The following UTP4 variants were observed in gnomAD, a reference collection of about 807,000 sequenced individuals.
UTP4 encodes the protein UTP4 small subunit processome component.
Under a neutral mutation model 82.4 loss-of-function variants are expected in UTP4, and 45 were observed. That is an observed-to-expected ratio of 0.55 (90% confidence interval 0.43 to 0.70). UTP4 has a LOEUF of 0.70. Among genes scored for constraint, UTP4 ranks in the 30% least tolerant of loss-of-function variants. The probability of loss-of-function intolerance (pLI) is 0.00; values close to 1 mark genes in which losing one functional copy is unlikely to be tolerated. For synonymous variants in UTP4, 348 were observed against 300.3 expected, an observed-to-expected ratio of 1.16 and a Z score of -1.64; for missense variants, 819 against 858.3, an observed-to-expected ratio of 0.95 and a Z score of 0.57.
intron 3 of UTP4, among the ~76,000 whole-genome samples, chr16:69,137,556 C>T (rs1962841391): frequency 6.6e-6 from 1 of 152,170 alleles, no homozygotes; most frequent in Non-Finnish European, 1.5e-5. Context: ...AATGGGGCCA[C>T]TAATTAGAAC....
chr16:69,137,603 G>T (rs1417250920), intron 3 of UTP4, among the ~76,000 whole-genome samples, 198 bp from the exon 4 acceptor site: 1 of 152,112 alleles, frequency 6.6e-6, no homozygotes, highest in Non-Finnish European at 1.5e-5. Flanking sequence ...AGGATATGAA[G>T]GCTACTGAGA....
chr16:69,134,856 T>G (rs1370349800), intron 2 of UTP4, among the ~76,000 whole-genome samples: 4 of 151,396 alleles, frequency 2.6e-5, no homozygotes, highest in African/African-American at 4.9e-5. Flanking sequence ...CCTCGCTAAT[T>G]TTTTTATTTT....
chr16:69,153,823 A>G (rs1235578665), intron 9 of UTP4, 143 bp downstream of exon 9: 6 of 701,530 alleles, frequency 8.6e-6, no homozygotes, highest in Non-Finnish European at 1.5e-5. Context: ...CCCATTAGAT[A>G]AAGCAAATAA....
Position 69,157,099 on chromosome 16 carries a change from G to A in UTP4, c.1303G>A (p.Ala435Thr). ...ISLKRVSKMPAFLRSALQILF... is the reference protein window; with the variant it reads ...ISLKRVSKMPTFLRSALQILF... Reference sequence around the variant, plus strand: ...TCACCCAAAGGTTTCCAAAATGCCAGCATTCCTTCGCTCTGCCCTTCAGAT... The same window carrying A: ...TCACCCAAAGGTTTCCAAAATGCCAACATTCCTTCGCTCTGCCCTTCAGAT... Residue 435 changes from alanine to threonine, a missense_variant, in exon 12 of 17, where the codon GCA becomes ACA. Coordinates refer to ENST00000314423, the MANE Select transcript of UTP4 (RefSeq NM_032830.3). 1 of 1,614,202 alleles carries A rather than the reference G, an allele frequency of 6.2e-7. No homozygotes were observed. The highest frequency in any genetic ancestry group is 1.1e-5 in the South Asian group (1 of 91,082).
intron 5 of UTP4, chr16:69,142,243 A>G (rs1298408490): frequency 6.6e-6 from 1 of 152,118 alleles, no homozygotes; most frequent in Non-Finnish European, 1.5e-5. Context: ...GAATCTTCAG[A>G]TCTTTTCTTT....
chr16:69,168,127 G>A (rs1325571087), intron 16 of UTP4, among the ~76,000 whole-genome samples: 1 of 152,124 alleles, frequency 6.6e-6, no homozygotes, highest in African/African-American at 2.4e-5. Context: ...CCTTTTATGA[G>A]TGAACTTAGT....
At chr16:69,150,169 A>C (rs1019430119) in intron 6 of UTP4, among the ~76,000 whole-genome samples, 1 of 152,238 alleles carries the variant, frequency 6.6e-6, no homozygotes, top group African/African-American at 2.4e-5. Flanking sequence ...TATTCGTATT[A>C]AATAACATGA....
At chr16:69,156,153 TC>T (rs369677846) in intron 11 of UTP4, among the ~76,000 whole-genome samples, 160 bp downstream of exon 11, 10 of 129,636 alleles carry the variant, frequency 7.7e-5, no homozygotes, top group African/African-American at 1.9e-4. Flanking sequence ...TTTCTTTCTT[TC>T]TTTTTTTTTT....
intron 6 of UTP4, among the ~76,000 whole-genome samples, chr16:69,147,344 A>C (rs1190286153): frequency 1.3e-5 from 2 of 151,172 alleles, no homozygotes; most frequent in Non-Finnish European, 2.9e-5. Context: ...TCTCTACTAA[A>C]ATACAAAAAA....
rs11864946 is a variant in UTP4 at position 69,138,001 on chromosome 16, A to C, written c.436+116A>C. On this transcript the variant is annotated intron_variant, in intron 4 of 16. Coordinates refer to ENST00000314423, the MANE Select transcript of UTP4 (RefSeq NM_032830.3). Reference sequence around the variant, plus strand: ...AGGTAATATTTTATCTCTACTGGGTACAGGGAGGGTATGTGCTAGAAGCCA... The same window carrying C: ...AGGTAATATTTTATCTCTACTGGGTCCAGGGAGGGTATGTGCTAGAAGCCA... 449 of 743,182 alleles carry C rather than the reference A, an allele frequency of 6.0e-4. 3 individuals are homozygous for C. The African/African-American group carries it at 7.3e-3, about 12-fold the overall frequency. The allele number at this position is 743,182 out of a possible 1,614,324, so 46.0% of individuals were successfully genotyped here.
At chr16:69,145,149 C>CAATAAT (rs917951120) in intron 6 of UTP4, among the ~76,000 whole-genome samples, 2,520 of 151,034 alleles carry the variant, frequency 0.017, 73 homozygotes, top group African/African-American at 0.058. Flanking sequence ...TCTCAAATAA[C>CAATAAT]AATAATAATA....
chr16:69,149,706 AC>A (rs766765539), intron 6 of UTP4, among the ~76,000 whole-genome samples: 19 of 151,844 alleles, frequency 1.3e-4, no homozygotes, highest in Non-Finnish European at 2.4e-4. Context: ...TATTTAAGAA[AC>A]TTTTTTATTG....
intron 5 of UTP4, 116 bp downstream of exon 5, chr16:69,140,030 TTA>T: frequency 1.3e-6 from 1 of 786,612 alleles, no homozygotes; most frequent in Admixed American, 1.8e-5. Context: ...TAACATGTCA[TTA>T]ATCTTCTGAG....
intron 12 of UTP4, among the ~76,000 whole-genome samples, chr16:69,158,955 C>T (rs1462304903): frequency 1.3e-5 from 2 of 152,174 alleles, no homozygotes; most frequent in Admixed American, 6.5e-5. Context: ...AAAGATGGCT[C>T]AGACGTGCCC....
At chr16:69,159,304 C>T (rs891543544) in intron 12 of UTP4, among the ~76,000 whole-genome samples, 4 of 151,674 alleles carry the variant, frequency 2.6e-5, no homozygotes, top group African/African-American at 9.7e-5. Flanking sequence ...TGGTCTTGAA[C>T]TCCTGACCTC....
intron 12 of UTP4, among the ~76,000 whole-genome samples, chr16:69,159,316 G>A (rs1963504803): frequency 6.6e-6 from 1 of 151,838 alleles, no homozygotes; most frequent in Non-Finnish European, 1.5e-5. Flanking sequence ...CCTGACCTCA[G>A]GTAATCCACC....
At chr16:69,147,819 A>C (rs1364372236) in intron 6 of UTP4, among the ~76,000 whole-genome samples, 1 of 152,154 alleles carries the variant, frequency 6.6e-6, no homozygotes, top group African/African-American at 2.4e-5. Flanking sequence ...TCAGATGTGA[A>C]GTTTTCTACT....
chr16:69,168,433 CAAAAAAAAAAA>C (rs34234554), intron 16 of UTP4, among the ~76,000 whole-genome samples: 9 of 51,604 alleles, frequency 1.7e-4, no homozygotes, highest in African/African-American at 2.9e-4. Context: ...GAGACTGTCT[CAAAAAAAAAAA>C]AAAAAAAAAA....
rs768521122 is a variant in UTP4 at position 69,155,979 on chromosome 16, A to G, written c.1273A>G (p.Ile425Val). 1 of 1,614,164 alleles carries G rather than the reference A, an allele frequency of 6.2e-7. No individual in the cohort carries two copies. The highest frequency in any genetic ancestry group is 2.2e-5 in the East Asian group (1 of 44,890). Residue 425 changes from isoleucine (I) to valine (V), a missense_variant, in exon 11 of 17, where the codon ATA becomes GTA. By Grantham distance (29) the Ile-to-Val change is conservative (BLOSUM62 3). Coordinates refer to ENST00000314423, the MANE Select transcript of UTP4 (RefSeq NM_032830.3). Reference sequence around the variant, plus strand: ...TCGGCTGAATTATGAACATGACAACATAAGCCTCAAAAGGGTAAGTGATAG... The same window carrying G: ...TCGGCTGAATTATGAACATGACAACGTAAGCCTCAAAAGGGTAAGTGATAG... The part of the protein sequence containing the change: ...LYRLNYEHDN[I>V]SLKRVSKMPA...
Sources: gnomAD v4.1 joint callset for allele counts (sites outside exome capture counted in the v4.1 genomes callset) on GRCh38, gnomAD v4.1.1 for gene constraint, MANE v1.5 for transcripts, NCBI Gene and HGNC (gene_info 2026-07-23, HGNC 2026-07-21) for gene names.